The following EFCAB6 variants were observed in gnomAD, a reference collection of about 807,000 sequenced individuals.
EFCAB6 encodes EF-hand calcium-binding domain-containing protein 6.
EFCAB6 carries 156 observed loss-of-function variants against 169.8 expected under a neutral mutation model. That is an observed-to-expected ratio of 0.92 (90% CI 0.81 to 1.05). The LOEUF is 1.05. Ranked by LOEUF, EFCAB6 falls within the 50% of genes least tolerant of loss-of-function variation. EFCAB6 has a pLI of 0.00. For synonymous variants in EFCAB6, 698 were observed against 676.4 expected, an observed-to-expected ratio of 1.03 and a Z score of -0.50; for missense variants, 1,800 against 1,829.1, an observed-to-expected ratio of 0.98 and a Z score of 0.29.
At chr22:43,655,735 C>A (rs2056706595) in intron 17 of EFCAB6, among the ~76,000 whole-genome samples, 1 of 152,118 alleles carries the variant, frequency 6.6e-6, no homozygotes, top group Admixed American at 6.5e-5. Flanking sequence ...TGGCTATATG[C>A]TGCCCACAAG....
At chr22:43,578,468 C>G (rs1308501978) in intron 25 of EFCAB6, among the ~76,000 whole-genome samples, 6 of 152,092 alleles carry the variant, frequency 3.9e-5, no homozygotes, top group Admixed American at 3.9e-4. Context: ...CCGACGCTGC[C>G]TTGTTCTCTT....
intron 23 of EFCAB6, among the ~76,000 whole-genome samples, chr22:43,598,918 C>A (rs768910428): frequency 1.3e-5 from 2 of 152,196 alleles, no homozygotes; most frequent in Admixed American, 6.5e-5. Context: ...AAATATCATA[C>A]ATACCCTCCA....
chr22:43,540,387 G>T (rs779666183), intron 27 of EFCAB6, 30 bp from the exon 28 acceptor site: 1 of 1,612,964 alleles, frequency 6.2e-7, no homozygotes, highest in Non-Finnish European at 8.5e-7. Flanking sequence ...CATTTCCCAG[G>T]TGTCAGTGCA....
At chr22:43,763,197 C>T (rs1392614981) in intron 5 of EFCAB6, among the ~76,000 whole-genome samples, 1 of 152,098 alleles carries the variant, frequency 6.6e-6, no homozygotes, top group Non-Finnish European at 1.5e-5. Context: ...CACCACCACA[C>T]CCAACTAATT....
At chr22:43,631,503 G>A (rs1208712787) in intron 19 of EFCAB6, among the ~76,000 whole-genome samples, 1 of 151,960 alleles carries the variant, frequency 6.6e-6, no homozygotes, top group Non-Finnish European at 1.5e-5. Flanking sequence ...CTCCTTTCCT[G>A]GCCAGCCCAG....
chr22:43,693,579 G>C (rs1488056246), intron 10 of EFCAB6, among the ~76,000 whole-genome samples: 1 of 149,122 alleles, frequency 6.7e-6, no homozygotes, highest in Non-Finnish European at 1.5e-5. Flanking sequence ...GGAAAACTGA[G>C]GAAATATAAA....
intron 10 of EFCAB6, 75 bp downstream of exon 10, chr22:43,711,400 A>C (rs1428128821): frequency 5.0e-6 from 7 of 1,399,858 alleles, no homozygotes; most frequent in Non-Finnish European, 6.6e-6. Context: ...TTAATAAAAA[A>C]TAAACGAAGC....
intron 4 of EFCAB6, 125 bp from the exon 5 acceptor site, chr22:43,765,518 T>C (rs1221624235): frequency 1.6e-6 from 1 of 641,106 alleles, no homozygotes; most frequent in Non-Finnish European, 2.7e-6. Context: ...AGGACGAGCA[T>C]TCCATTAAAC....
intron 24 of EFCAB6, among the ~76,000 whole-genome samples, chr22:43,583,261 T>C (rs1033249223): frequency 6.6e-6 from 1 of 151,688 alleles, no homozygotes. Context: ...GTTCTTTGTA[T>C]CCTTGTTTAC....
intron 25 of EFCAB6, among the ~76,000 whole-genome samples, chr22:43,578,215 T>C (rs2050388401): frequency 6.6e-6 from 1 of 152,070 alleles, no homozygotes; most frequent in Non-Finnish European, 1.5e-5. Flanking sequence ...TTTCCCCTCC[T>C]GTAGAGTGGA....
chr22:43,789,691 T>A (rs1040196788), intron 2 of EFCAB6, among the ~76,000 whole-genome samples: 1 of 152,052 alleles, frequency 6.6e-6, no homozygotes, highest in Non-Finnish European at 1.5e-5. Flanking sequence ...CAATGAGGAG[T>A]TTGGCTTATT....
At chr22:43,767,977 G>A (rs2061366620) in intron 4 of EFCAB6, among the ~76,000 whole-genome samples, 1 of 152,230 alleles carries the variant, frequency 6.6e-6, no homozygotes, top group African/African-American at 2.4e-5. Context: ...GAATTCTTAA[G>A]GGTGGGGCTG....
In EFCAB6 at chr22:43,667,152, G is replaced by A. The variant is rs767446233; in HGVS notation, c.1935C>T (p.Asp645=). The A allele has an allele frequency of 4.3e-6, 7 of 1,613,960 alleles. No homozygotes were observed. The highest frequency in any genetic ancestry group is 1.3e-5 in the African/African-American group (1 of 74,888). Residue 645 remains aspartate, a synonymous_variant, in exon 17 of 32, where the codon GAC becomes GAT. Transcript: ENST00000262726. ...TTTTTCCATTAGGCTCCTTGCTGAA[G>A]TCAAGAAATCGTTTTTTGAATGCCG... The part of the protein sequence containing the change: ...QDPAFKKRFL[D]FSKEPNGKIN...
intron 17 of EFCAB6, among the ~76,000 whole-genome samples, chr22:43,660,195 T>C (rs6006522): frequency 0.031 from 4,752 of 152,328 alleles, 229 homozygotes; most frequent in African/African-American, 0.11. Context: ...TCAATTAATC[T>C]AATGACTCAA....
chr22:43,744,732 T>C lies in EFCAB6; in HGVS notation c.508-8739A>G, dbSNP rs891733192. Among the ~76,000 whole-genome samples, 2 of 152,180 alleles carry C rather than the reference T, an allele frequency of 1.3e-5. No homozygotes were observed. Among genetic ancestry groups the C allele is most frequent in the East Asian group, 1.9e-4 (1 of 5,172 alleles). On this transcript the variant is annotated intron_variant, in intron 6 of 31. Transcript: ENST00000262726. This position sits in a 1 kb window ranked among gnomAD's most constrained non-coding sequence, Gnocchi z 4.3. ...TCCTAATTACTCCCCACGGACCCTA[T>C]AGGAGAGCTTCCCAGAGAGGACCCA...
chr22:43,623,781 C>G (rs137721), intron 20 of EFCAB6, among the ~76,000 whole-genome samples: 2 of 144,900 alleles, frequency 1.4e-5, no homozygotes, highest in Admixed American at 6.8e-5. Flanking sequence ...TTGTGGTGGG[C>G]GCCTGTAGTC....
rs2061967256 is a variant in EFCAB6, at chr22:43,784,571, GTACATATACACATATA to G, written c.-7-2262_-7-2247del. On this transcript the variant is annotated intron_variant, in intron 2 of 31. Transcript: ENST00000262726. ...TATGTATATATACACATATATATGT[GTACATATACACATATA>G]TATGTATATATACACATATATATGT... Among the ~76,000 whole-genome samples the G allele has an allele frequency of 4.8e-5, 3 of 62,650 alleles. 1 individual carries two copies. In the Admixed American group the frequency reaches 6.3e-4, roughly 13 times the overall value. 41.1% of individuals were successfully genotyped at this position (62,650 alleles called of 152,430 possible).
rs375195023 is a variant in EFCAB6, at chr22:43,628,514, C to T, written c.2233-1835G>A. Among the ~76,000 whole-genome samples, 17 of 152,290 alleles carry T rather than the reference C, an allele frequency of 1.1e-4. No homozygotes were observed. Among genetic ancestry groups the T allele is most frequent in the South Asian group, 4.1e-4 (2 of 4,826 alleles). ...CTTACAGCTGACGTCATGCATGAGGCGCCTCTGCTCAACCCCCTTGACTCT... is the reference window on the plus strand; with the variant it reads ...CTTACAGCTGACGTCATGCATGAGGTGCCTCTGCTCAACCCCCTTGACTCT... On this transcript the variant is annotated intron_variant, in intron 19 of 31. Coordinates refer to ENST00000262726, the MANE Select transcript of EFCAB6 (RefSeq NM_022785.4). This position sits in a 1 kb window ranked among gnomAD's most constrained non-coding sequence, Gnocchi z 4.8.
chr22:43,540,195 T>C lies in EFCAB6; in HGVS notation c.3811A>G (p.Thr1271Ala). 1 of 1,614,200 alleles carries C rather than the reference T, an allele frequency of 6.2e-7. No homozygotes were observed. Among genetic ancestry groups the C allele is most frequent in the South Asian group, 1.1e-5 (1 of 91,088 alleles). Reference sequence around the variant, plus strand: ...GTGGGCAATGAGAGGGCAGATCTGGTGCCTTCCGAGACGTCAGGGACACTG... The same window carrying C: ...GTGGGCAATGAGAGGGCAGATCTGGCGCCTTCCGAGACGTCAGGGACACTG... ...GSSVPDVSEG[T>A]RSALSLPTQE... The change falls in exon 28 of 32, where the codon ACC becomes GCC. Residue 1271 changes from threonine (T) to alanine (A), a missense_variant. By Grantham distance (58) the Thr-to-Ala change is moderately conservative. Coordinates refer to ENST00000262726, the MANE Select transcript of EFCAB6 (RefSeq NM_022785.4).
Sources: gnomAD v4.1 joint callset for allele counts (sites outside exome capture counted in the v4.1 genomes callset) on GRCh38, gnomAD v4.1.1 for gene constraint, Gnocchi (gnomAD v3.1) non-coding constraint, MANE v1.5 for transcripts, NCBI Gene and HGNC (gene_info 2026-07-23, HGNC 2026-07-21) for gene names.